The following TAFA5 variants were observed in gnomAD, a reference collection of about 807,000 sequenced individuals.
TAFA5 encodes the protein chemokine-like protein TAFA-5.
In TAFA5, 6 loss-of-function variants were observed where a neutral mutation model predicts 15.3. The observed-to-expected ratio is 0.39, with a 90% CI of 0.21 to 0.77. The LOEUF (loss-of-function observed/expected upper bound fraction) is 0.77. Among genes scored for constraint, TAFA5 ranks in the 30% least tolerant of loss-of-function variants. The probability of loss-of-function intolerance (pLI) is 0.41; values close to 1 mark genes in which losing one functional copy is unlikely to be tolerated. For missense variants in TAFA5, 161 were observed against 193.1 expected (o/e 0.83, Z 0.98); for synonymous variants, 103 against 80.7 (o/e 1.28, Z -1.48).
At chr22:48,636,455 T>G (rs192008614) in intron 1 of TAFA5, among the ~76,000 whole-genome samples, 1 of 152,294 alleles carries the variant, frequency 6.6e-6, no homozygotes, top group East Asian at 1.9e-4. Flanking sequence ...TTTTCTGTGT[T>G]TTTAATCCTC....
At position 48,745,818 on chromosome 22, in the gene TAFA5, T is replaced by C. The variant is rs139268580; in HGVS notation, c.391-4021T>C. ...CTCTTCTGCCCCTGGTCCCACAGGC[T>C]GGAGCTTGGTGTCAGGCACCTCTCC... is the stretch of plus-strand genomic sequence containing the variant. On this transcript the variant is annotated intron_variant, in intron 3 of 3. Coordinates refer to ENST00000402357, the MANE Select transcript of TAFA5 (RefSeq NM_001082967.3). Among the ~76,000 whole-genome samples, 495 of 152,290 alleles carry C rather than the reference T, an allele frequency of 3.3e-3. 1 individual carries two copies. Among genetic ancestry groups the C allele is most frequent in the African/African-American group, 0.011 (474 of 41,550 alleles).
At chr22:48,631,128 C>T (rs1926210447) in intron 1 of TAFA5, among the ~76,000 whole-genome samples, 1 of 152,208 alleles carries the variant, frequency 6.6e-6, no homozygotes, top group Non-Finnish European at 1.5e-5. Flanking sequence ...TCGGCTCACC[C>T]ACTCGGGACG....
At chr22:48,647,937 G>A (rs1250130548) in intron 2 of TAFA5, among the ~76,000 whole-genome samples, 12 of 152,302 alleles carry the variant, frequency 7.9e-5, no homozygotes, top group Admixed American at 2.6e-4. Context: ...AGTGACAGGC[G>A]TAGACTTGGG....
intron 1 of TAFA5, among the ~76,000 whole-genome samples, chr22:48,517,417 C>T (rs929937331): frequency 1.3e-5 from 2 of 152,198 alleles, no homozygotes; most frequent in Non-Finnish European, 2.9e-5. Flanking sequence ...CTGACCCCCA[C>T]CACCTCCTCC....
At chr22:48,576,604 C>A (rs1173029521) in intron 1 of TAFA5, 7 of 1,400,492 alleles carry the variant, frequency 5.0e-6, no homozygotes, top group Non-Finnish European at 6.6e-6. Context: ...ACCGGTCCTC[C>A]GCGCTCTGCC....
At chr22:48,611,517 C>T (rs960313770) in intron 1 of TAFA5, among the ~76,000 whole-genome samples, 19 of 152,240 alleles carry the variant, frequency 1.2e-4, no homozygotes, top group African/African-American at 4.1e-4. Flanking sequence ...CTATGCCTGG[C>T]GAGGGCTTTT....
chr22:48,647,188 C>G (rs1414252004), intron 2 of TAFA5, among the ~76,000 whole-genome samples: 1 of 152,314 alleles, frequency 6.6e-6, no homozygotes, highest in East Asian at 1.9e-4. Flanking sequence ...TCAAGACACT[C>G]TCATGCCTAG....
chr22:48,580,215 C>T (rs1369940911), intron 1 of TAFA5, among the ~76,000 whole-genome samples: 1 of 152,128 alleles, frequency 6.6e-6, no homozygotes, highest in African/African-American at 2.4e-5. Context: ...GGAAATGAGG[C>T]GTCCTCCTGC....
chr22:48,577,105 G>A (rs955959535), intron 1 of TAFA5, among the ~76,000 whole-genome samples: 1 of 152,228 alleles, frequency 6.6e-6, no homozygotes, highest in Admixed American at 6.5e-5. Flanking sequence ...GGAAGCAGGG[G>A]CTTGGTCACC....
intron 1 of TAFA5, among the ~76,000 whole-genome samples, chr22:48,518,347 G>C (rs1488519147): frequency 6.6e-6 from 1 of 152,190 alleles, no homozygotes; most frequent in African/African-American, 2.4e-5. Flanking sequence ...CACATTCAGA[G>C]AGCTAGAAGT....
chr22:48,651,742 C>T (rs1490282191), intron 2 of TAFA5, among the ~76,000 whole-genome samples: 1 of 152,162 alleles, frequency 6.6e-6, no homozygotes, highest in South Asian at 2.1e-4. Context: ...AGAAGGGGCA[C>T]CACGAGGGGG....
At chr22:48,557,914 G>A (rs377326916) in intron 1 of TAFA5, among the ~76,000 whole-genome samples, 4 of 152,210 alleles carry the variant, frequency 2.6e-5, no homozygotes, top group South Asian at 2.1e-4. Flanking sequence ...GGACACAACC[G>A]GAGGATGTGT....
At chr22:48,572,032 C>T (rs1477302118) in intron 1 of TAFA5, among the ~76,000 whole-genome samples, 1 of 152,110 alleles carries the variant, frequency 6.6e-6, no homozygotes, top group Non-Finnish European at 1.5e-5. Context: ...CTGGTTTTCT[C>T]TTATTGATAC....
chr22:48,615,495 G>C (rs1476785786), intron 1 of TAFA5, among the ~76,000 whole-genome samples: 1 of 152,180 alleles, frequency 6.6e-6, no homozygotes, highest in East Asian at 1.9e-4. Flanking sequence ...CGCCTTCCTG[G>C]GGGGCTCCCT....
At chr22:48,699,528 G>A (rs1031451679) in intron 2 of TAFA5, among the ~76,000 whole-genome samples, 17 of 152,098 alleles carry the variant, frequency 1.1e-4, no homozygotes, top group South Asian at 2.1e-4. Flanking sequence ...ACATTTCCCC[G>A]CGTTCCGTTC....
At chr22:48,585,384 GCACACACCACACACAC>G (rs1569036124) in intron 1 of TAFA5, among the ~76,000 whole-genome samples, 2 of 130,474 alleles carry the variant, frequency 1.5e-5, no homozygotes, top group African/African-American at 5.8e-5. Context: ...ACACCACACA[GCACACACCACACACAC>G]CACACACCAC....
chr22:48,502,992 C>T (rs1465292632), intron 1 of TAFA5, among the ~76,000 whole-genome samples: 1 of 152,240 alleles, frequency 6.6e-6, no homozygotes, highest in African/African-American at 2.4e-5. Flanking sequence ...TTCTAGGCTC[C>T]TGCCCTGCAG....
intron 3 of TAFA5, among the ~76,000 whole-genome samples, chr22:48,728,660 G>A (rs1204277698): frequency 1.5e-4 from 23 of 152,206 alleles, no homozygotes; most frequent in Admixed American, 1.5e-3. Context: ...ACTCATCAGT[G>A]TATGTATGTC....
At position 48,489,605 on chromosome 22, in the gene TAFA5, C is replaced by A; in HGVS notation, c.13C>A (p.Pro5Thr). 6.7e-7 allele frequency: 1 copy of A among 1,493,208 alleles called. No individual in the cohort carries two copies. Among genetic ancestry groups the A allele is most frequent in the Non-Finnish European group, 8.9e-7 (1 of 1,118,280 alleles). The allele number at this position is 1,493,208 out of a possible 1,614,324, so 92.5% of individuals were successfully genotyped here. MAPS[P>T]RTGSRQDATA... ...CGCCGCGGCTTCAATGGCGCCATCG[C>A]CCAGGACCGGCAGCCGGCAAGATGC... The change falls in exon 1 of 4, where the codon CCC (proline) becomes ACC (threonine). Residue 5 changes from proline (P) to threonine (T), a missense_variant. Transcript: ENST00000402357. This position sits in a 1 kb window ranked among gnomAD's most constrained non-coding sequence, Gnocchi z 5.5.
Sources: gnomAD v4.1 joint callset for allele counts (sites outside exome capture counted in the v4.1 genomes callset) on GRCh38, gnomAD v4.1.1 for gene constraint, Gnocchi (gnomAD v3.1) non-coding constraint, MANE v1.5 for transcripts, NCBI Gene and HGNC (gene_info 2026-07-23, HGNC 2026-07-21) for gene names.